Variants in CLPSL1 observed in about 807,000 individuals in gnomAD.
CLPSL1 encodes colipase-like protein 1.
Under a neutral mutation model 9.3 loss-of-function variants are expected in CLPSL1, and 13 were observed. The ratio of observed to expected loss-of-function variants is 1.40; its 90% confidence interval spans 0.91 to 2.22. CLPSL1 has a LOEUF of 2.22. Among genes scored for constraint, CLPSL1 ranks in the 30% most tolerant of loss-of-function variants. The pLI, the probability that CLPSL1 is intolerant of heterozygous loss-of-function variation, is 0.00. For synonymous variants in CLPSL1, 58 were observed against 56.9 expected (o/e 1.02, Z -0.08); for missense variants, 164 against 146.6 (o/e 1.12, Z -0.61).
chr6:35,793,714 CCTAACT>C (rs1247533344), downstream of CLPSL1: 1 of 410,704 alleles, frequency 2.4e-6, no homozygotes, highest in African/African-American at 2.1e-5. Flanking sequence ...TGAATGCAAT[CCTAACT>C]CATAAGCCTG....
chr6:35,789,137 C>T (rs1324645628), downstream of CLPSL1, among the ~76,000 whole-genome samples: 1 of 152,244 alleles, frequency 6.6e-6, no homozygotes, highest in African/African-American at 2.4e-5. Context: ...GTGAGCTCTC[C>T]CCATTCAGAG....
intron 1 of CLPSL1, among the ~76,000 whole-genome samples, chr6:35,783,927 G>C (rs1768020062): frequency 6.6e-6 from 1 of 151,762 alleles, no homozygotes; most frequent in South Asian, 2.1e-4. Flanking sequence ...GTGTCCAATA[G>C]TGCAGTTACT....
intron 2 of CLPSL1, 152 bp downstream of exon 2, chr6:35,787,272 G>C (rs1768101695): frequency 9.9e-7 from 1 of 1,005,194 alleles, no homozygotes; most frequent in Non-Finnish European, 1.5e-6. Flanking sequence ...CAAGCCTTCT[G>C]GGGGAGCCTG....
chr6:35,792,908 A>G (rs1481034668), downstream of CLPSL1, among the ~76,000 whole-genome samples: 1 of 152,272 alleles, frequency 6.6e-6, no homozygotes, highest in Non-Finnish European at 1.5e-5. Flanking sequence ...CACATAATTC[A>G]TATGTGGCAG....
rs1376270836 is a variant in CLPSL1, at chr6:35,787,082, G to A, written c.184G>A (p.Ala62Thr). ...TCCAGACAATTGCGAGTCGCACTGC[G>A]CGGAGAAGGGGTCCGAGGGCAGTCT... The part of the protein sequence containing the change: ...RAPDNCESHC[A>T]EKGSEGSLCQ... Residue 62 changes from alanine (A) to threonine (T), a missense_variant, in exon 2 of 3, where the codon GCG becomes ACG. Transcript: ENST00000373861. 1 of 1,610,256 alleles carries A rather than the reference G, an allele frequency of 6.2e-7. No individual in the cohort carries two copies. Among genetic ancestry groups the A allele is most frequent in the Non-Finnish European group, 8.5e-7 (1 of 1,179,132 alleles).
At chr6:35,787,188 T>C in intron 2 of CLPSL1, 68 bp downstream of exon 2, 2 of 1,556,160 alleles carry the variant, frequency 1.3e-6, no homozygotes, top group Non-Finnish European at 1.8e-6. Context: ...CGGGCCCAGA[T>C]TCCTGGGGAG....
rs1361950126 is a variant in CLPSL1 at position 35,788,034 on chromosome 6, C to G, written c.*24C>G. ...AGTGCTCCCTCCTTCTTGCTGCCTC[C>G]TCCTCCTCCACCTGCTCTCCTCCCT... On this transcript the variant is annotated 3_prime_UTR_variant, in exon 3 of 3. Coordinates refer to ENST00000373861, the MANE Select transcript of CLPSL1 (RefSeq NM_001010886.5). 2 of 1,572,976 alleles carry G rather than the reference C, an allele frequency of 1.3e-6. No homozygotes were observed. Among genetic ancestry groups the G allele is most frequent in the East Asian group, 4.5e-5 (2 of 44,460 alleles).
intron 1 of CLPSL1, 128 bp from the exon 2 acceptor site, chr6:35,786,870 G>A: frequency 4.1e-6 from 5 of 1,230,708 alleles, no homozygotes; most frequent in Non-Finnish European, 5.6e-6. Flanking sequence ...CACCCTGCCT[G>A]GCAGGAGCCA....
downstream of CLPSL1, among the ~76,000 whole-genome samples, chr6:35,791,437 C>G (rs1246162426): frequency 1.3e-5 from 2 of 152,236 alleles, no homozygotes; most frequent in South Asian, 4.1e-4. Context: ...GGTGAAACCC[C>G]GTCTCTACTA....
intron 1 of CLPSL1, among the ~76,000 whole-genome samples, chr6:35,783,128 A>G (rs1227123443): frequency 6.6e-6 from 1 of 152,288 alleles, no homozygotes; most frequent in East Asian, 1.9e-4. Context: ...CTCCTAGTCA[A>G]TAGCACCAAA....
downstream of CLPSL1, among the ~76,000 whole-genome samples, chr6:35,789,274 C>A (rs992461788): frequency 6.6e-6 from 1 of 152,204 alleles, no homozygotes; most frequent in African/African-American, 2.4e-5. Context: ...AATACAGAGC[C>A]CAGAAATAAA....
intron 1 of CLPSL1, among the ~76,000 whole-genome samples, chr6:35,783,967 C>T (rs1323828326): frequency 6.6e-6 from 1 of 152,082 alleles, no homozygotes; most frequent in South Asian, 2.1e-4. Context: ...TGAGACAGGT[C>T]TCAGTCAATT....
downstream of CLPSL1, among the ~76,000 whole-genome samples, chr6:35,790,903 C>G (rs148521236): frequency 6.6e-6 from 1 of 152,148 alleles, no homozygotes; most frequent in African/African-American, 2.4e-5. Context: ...GCAACATAGC[C>G]GGTGGTGGCA....
downstream of CLPSL1, among the ~76,000 whole-genome samples, chr6:35,792,468 T>C (rs1387882873): frequency 2.0e-5 from 3 of 152,284 alleles, no homozygotes; most frequent in Non-Finnish European, 2.9e-5. Context: ...TTTTGCACCA[T>C]CATAAAGTTG....
chr6:35,781,281 C>T lies in CLPSL1; in HGVS notation c.99+72C>T, dbSNP rs903670694. On this transcript the variant is annotated intron_variant, in intron 1 of 2. Transcript: ENST00000373861. ...GGCCTGTACTATTTGGGGAGGTGAG[C>T]GGGCATGGGGGCTAGTGTGGGAGAA... is the stretch of plus-strand genomic sequence containing the variant. 24 of 1,558,192 alleles carry T rather than the reference C, an allele frequency of 1.5e-5. No homozygotes were observed. The South Asian group carries it at 2.2e-4, about 15-fold the overall frequency.
Position 35,781,222 on chromosome 6 carries a change from G to A in CLPSL1, c.99+13G>A. 1 of 1,612,722 alleles carries A rather than the reference G, an allele frequency of 6.2e-7. No individual in the cohort carries two copies. ...ATACAACCTTTTGGTAAGAAAGCTG[G>A]AGAGTGCAGTCACCTCCCCCTCCAC... On this transcript the variant is annotated intron_variant, in intron 1 of 2. Transcript: ENST00000373861.
intron 2 of CLPSL1, 126 bp downstream of exon 2, chr6:35,787,246 C>T (rs1317543482): frequency 6.0e-6 from 7 of 1,165,378 alleles, no homozygotes; most frequent in South Asian, 1.5e-5. Context: ...GGAATTCCCC[C>T]GTGGGACTGC....
downstream of CLPSL1, among the ~76,000 whole-genome samples, chr6:35,789,057 C>T (rs896978273): frequency 6.6e-5 from 10 of 152,226 alleles, no homozygotes; most frequent in Admixed American, 4.6e-4. Flanking sequence ...CGATGTGAAC[C>T]ATACCTTGGT....
downstream of CLPSL1, among the ~76,000 whole-genome samples, chr6:35,790,165 G>A (rs1221905013): frequency 3.3e-5 from 5 of 152,218 alleles, no homozygotes; most frequent in Admixed American, 3.3e-4. Context: ...CAAACTCCTG[G>A]CCTCAAGCAA....
Sources: allele counts gnomAD v4.1 joint callset (sites outside exome capture counted in the v4.1 genomes callset), GRCh38; gene constraint gnomAD v4.1.1; transcripts MANE v1.5; gene names NCBI Gene and HGNC (gene_info 2026-07-23, HGNC 2026-07-21).